Variants in PPP6R2 observed in about 807,000 individuals in gnomAD.
The protein encoded by PPP6R2 is serine/threonine-protein phosphatase 6 regulatory subunit 2.
Under a neutral mutation model 100.2 loss-of-function variants are expected in PPP6R2, and 62 were observed. The observed-to-expected ratio is 0.62, with a 90% CI of 0.50 to 0.76. The LOEUF (loss-of-function observed/expected upper bound fraction) is 0.76, where lower values mean the gene tolerates loss of function less well. PPP6R2 is among the 30% of genes least tolerant of loss of function. The pLI, the probability that PPP6R2 is intolerant of heterozygous loss-of-function variation, is 0.00. For missense variants in PPP6R2, 1,142 were observed against 1,276.3 expected (o/e 0.89, Z 1.60); for synonymous variants, 525 against 514.7 (o/e 1.02, Z -0.27).
chr22:50,340,125 G>A (rs2042355691), upstream of PPP6R2, among the ~76,000 whole-genome samples: 1 of 135,330 alleles, frequency 7.4e-6, no homozygotes, highest in Non-Finnish European at 1.6e-5. Context: ...TGTGTACAGT[G>A]TGTGGTGTGT....
chr22:50,388,113 AG>A (rs1455636301), intron 2 of PPP6R2, among the ~76,000 whole-genome samples: 1 of 151,946 alleles, frequency 6.6e-6, no homozygotes, highest in African/African-American at 2.4e-5. Context: ...GCTTGAGCCC[AG>A]GTGTTCAAGA....
At chr22:50,407,213 G>T (rs1213705330) in intron 4 of PPP6R2, among the ~76,000 whole-genome samples, 2 of 152,244 alleles carry the variant, frequency 1.3e-5, no homozygotes, top group African/African-American at 4.8e-5. Context: ...TGAGCGTGGT[G>T]GTGCGCACCT....
In PPP6R2 at chr22:50,423,527, C is replaced by T. The variant is rs373613910; in HGVS notation, c.1038C>T (p.Gly346=). ...CCCTGGGGAATGCCCGTCTGCATGG[C>T]GCCCGCCTCATGGCAGCACTGCTGC... ...EEPLGNARLH[G]ARLMAALLHT... The change falls in exon 10 of 24, where the codon GGC becomes GGT. Residue 346 remains glycine (G), a synonymous_variant. Transcript: ENST00000612753. This position sits in a 1 kb window ranked among gnomAD's most constrained non-coding sequence, Gnocchi z 4.8. The T allele has an allele frequency of 2.0e-4, 319 of 1,614,206 alleles. 2 individuals carry two copies. In the East Asian group the frequency reaches 3.0e-3, roughly 15 times the overall value.
the PPP6R2 span, among the ~76,000 whole-genome samples, chr22:50,331,645 T>G: frequency 1.3e-5 from 2 of 152,076 alleles, no homozygotes; most frequent in Non-Finnish European, 2.9e-5. Context: ...TGAGACAGAG[T>G]CTCGCTTATG....
intron 3 of PPP6R2, among the ~76,000 whole-genome samples, chr22:50,400,046 G>C (rs2057764394): frequency 6.6e-6 from 1 of 152,240 alleles, no homozygotes; most frequent in African/African-American, 2.4e-5. Flanking sequence ...TTATAACTCT[G>C]AGCTGTGGGC....
chr22:50,439,969 C>T lies in PPP6R2; in HGVS notation c.2294C>T (p.Ser765Leu), dbSNP rs2065215320. 1.9e-6 allele frequency: 3 copies of T among 1,613,422 alleles called. No individual in the cohort carries two copies. In the African/African-American group the frequency reaches 4.0e-5, roughly 22 times the overall value. ...CTCGTCCTTGTATGCAGCTCCGAGT[C>T]AGGGCCCAGGTGCAGCTCTCCGGTG... ...TDFQPFCCSESGPRCSSPVDT... is the reference protein window; with the variant it reads ...TDFQPFCCSELGPRCSSPVDT... Residue 765 changes from serine (S) to leucine (L), a missense_variant, in exon 21 of 24, where the codon TCA becomes TTA. Coordinates refer to ENST00000612753, the MANE Select transcript of PPP6R2 (RefSeq NM_001242898.2).
chr22:50,420,500 G>A (rs2061184311), intron 8 of PPP6R2, among the ~76,000 whole-genome samples: 1 of 152,192 alleles, frequency 6.6e-6, no homozygotes, highest in Admixed American at 6.5e-5. Flanking sequence ...TATAGGTGCT[G>A]GAGACCCTTC....
chr22:50,440,457 C>T, intron 21 of PPP6R2, among the ~76,000 whole-genome samples: 1 of 142,862 alleles, frequency 7.0e-6, no homozygotes, highest in Non-Finnish European at 1.6e-5. Context: ...AGGCTGAGAG[C>T]TCCAGGTGAG....
chr22:50,393,824 T>G, intron 2 of PPP6R2, 69 bp from the exon 3 acceptor site: 1 of 1,590,296 alleles, frequency 6.3e-7, no homozygotes, highest in Non-Finnish European at 8.6e-7. Flanking sequence ...CCCTTTGGAC[T>G]TGGGTCTAGT....
intron 2 of PPP6R2, among the ~76,000 whole-genome samples, chr22:50,374,255 A>C (rs1455409407): frequency 6.6e-6 from 1 of 152,126 alleles, no homozygotes; most frequent in Non-Finnish European, 1.5e-5. Context: ...GGATGGCTTG[A>C]GTCTGAAAGG....
At chr22:50,350,634 A>G (rs1455731186) in intron 1 of PPP6R2, among the ~76,000 whole-genome samples, 2 of 151,762 alleles carry the variant, frequency 1.3e-5, no homozygotes, top group Admixed American at 1.3e-4. Flanking sequence ...TCACGAGGTC[A>G]GGAGATCGAG....
intron 1 of PPP6R2, among the ~76,000 whole-genome samples, chr22:50,370,616 A>T (rs8138238): frequency 0.31 from 47,296 of 151,296 alleles, 7,543 homozygotes; most frequent in South Asian, 0.48. Context: ...AAAGTTTAAA[A>T]GTAGGACCTA....
At chr22:50,398,572 G>C (rs1450748219) in intron 3 of PPP6R2, among the ~76,000 whole-genome samples, 11 of 147,054 alleles carry the variant, frequency 7.5e-5, no homozygotes, top group Admixed American at 6.9e-4. Flanking sequence ...CTGGAGTGCA[G>C]TGGCGCGATC....
intron 17 of PPP6R2, 132 bp downstream of exon 17, chr22:50,438,032 G>T: frequency 6.7e-7 from 1 of 1,488,210 alleles, no homozygotes; most frequent in Non-Finnish European, 9.1e-7. Flanking sequence ...CGGAACAGTC[G>T]CTTTCCTTGC....
upstream of PPP6R2, among the ~76,000 whole-genome samples, chr22:50,338,789 GGTGTGTATGTACGGTGTCTGGTGTGT>G (rs2042333520): frequency 1.5e-5 from 2 of 137,524 alleles, no homozygotes; most frequent in African/African-American, 2.8e-5. Flanking sequence ...TGGTGTGTGT[GGTGTGTATGTACGGTGTCTGGTGTGT>G]GTGTGTGTAG....
intron 2 of PPP6R2, 24 bp from the exon 3 acceptor site, chr22:50,393,869 T>A (rs762419796): frequency 6.2e-7 from 1 of 1,613,080 alleles, no homozygotes; most frequent in Admixed American, 1.7e-5. Context: ...GTGAGAGACG[T>A]GACCCCTTTG....
intron 1 of PPP6R2, among the ~76,000 whole-genome samples, chr22:50,363,855 A>G (rs1478600184): frequency 6.6e-6 from 1 of 152,192 alleles, no homozygotes; most frequent in Non-Finnish European, 1.5e-5. Context: ...CAAGTGTGAA[A>G]AAGAATAAGA....
Position 50,350,662 on chromosome 22 carries a change from G to A in PPP6R2, c.-148+7112G>A, listed in dbSNP as rs547553196. Among the ~76,000 whole-genome samples, 16 of 151,856 alleles carry A rather than the reference G, an allele frequency of 1.1e-4. No individual in the cohort carries two copies. The East Asian group carries it at 2.8e-3, about 26-fold the overall frequency. On this transcript the variant is annotated intron_variant, in intron 1 of 23. Coordinates refer to ENST00000612753, the MANE Select transcript of PPP6R2 (RefSeq NM_001242898.2). ...AGATCGAGACCATCCTGGCTAACACGGTGAAACCCCGTCTCTACTAAAAAT... is the reference window on the plus strand; with the variant it reads ...AGATCGAGACCATCCTGGCTAACACAGTGAAACCCCGTCTCTACTAAAAAT...
chr22:50,358,625 A>C (rs568611883), intron 1 of PPP6R2, among the ~76,000 whole-genome samples: 1 of 152,234 alleles, frequency 6.6e-6, no homozygotes, highest in East Asian at 1.9e-4. Flanking sequence ...TTGTCCCCAG[A>C]ATTTCCTCAT....
Sources: gnomAD v4.1 joint callset for allele counts (sites outside exome capture counted in the v4.1 genomes callset) on GRCh38, gnomAD v4.1.1 for gene constraint, Gnocchi (gnomAD v3.1) non-coding constraint, MANE v1.5 for transcripts, NCBI Gene and HGNC (gene_info 2026-07-23, HGNC 2026-07-21) for gene names.